The following DEUP1 variants were observed in gnomAD, a reference collection of about 807,000 sequenced individuals.
DEUP1 encodes the protein deuterosome assembly protein 1.
DEUP1 carries 82 observed loss-of-function variants against 87.4 expected under a neutral mutation model. That is an observed-to-expected ratio of 0.94 (90% CI 0.78 to 1.13). The LOEUF is 1.13. Among genes scored for constraint, DEUP1 ranks in the 50% most tolerant of loss-of-function variants. DEUP1 has a pLI of 0.00. For synonymous variants in DEUP1, 214 were observed against 222.7 expected, an observed-to-expected ratio of 0.96 and a Z score of 0.35; for missense variants, 663 against 681.5, an observed-to-expected ratio of 0.97 and a Z score of 0.30.
At chr11:93,431,338 C>T (rs999352144) in intron 13 of DEUP1, among the ~76,000 whole-genome samples, 2 of 151,876 alleles carry the variant, frequency 1.3e-5, no homozygotes, top group Non-Finnish European at 2.9e-5. Context: ...AAGGCAGGAA[C>T]GAGTTTGGCA....
At chr11:93,396,425 C>T (rs1007722027) in intron 11 of DEUP1, 100 bp downstream of exon 11, 6 of 699,746 alleles carry the variant, frequency 8.6e-6, no homozygotes, top group African/African-American at 5.6e-5. Flanking sequence ...GTGTGTTAGA[C>T]ATGAAGGAGT....
chr11:93,419,731 C>T (rs1278666917), intron 13 of DEUP1, among the ~76,000 whole-genome samples: 8 of 151,914 alleles, frequency 5.3e-5, no homozygotes, highest in African/African-American at 1.9e-4. Context: ...AGAACTATTA[C>T]TGTTTGTGTT....
intron 7 of DEUP1, among the ~76,000 whole-genome samples, chr11:93,373,784 CT>C (rs1218272711): frequency 6.6e-6 from 1 of 151,838 alleles, no homozygotes; most frequent in African/African-American, 2.4e-5. Context: ...ATAATGACTT[CT>C]TTTCCTCTGG....
intron 9 of DEUP1, among the ~76,000 whole-genome samples, chr11:93,393,257 G>A (rs1316290187): frequency 7.3e-5 from 11 of 151,016 alleles, no homozygotes; most frequent in Non-Finnish European, 1.2e-4. Context: ...CACCACACCC[G>A]GCTAATGTTT....
chr11:93,432,911 G>C (rs1948145969), intron 13 of DEUP1, among the ~76,000 whole-genome samples: 1 of 152,044 alleles, frequency 6.6e-6, no homozygotes, highest in Admixed American at 6.6e-5. Flanking sequence ...ATGCTATGTG[G>C]GTGGATGCCT....
intron 2 of DEUP1, chr11:93,352,509 A>G (rs1046774077): frequency 1.4e-5 from 9 of 647,148 alleles, no homozygotes; most frequent in Non-Finnish European, 2.2e-5. Flanking sequence ...TGGACCCAAG[A>G]TATTACTATG....
rs549539471 is a variant in DEUP1, at chr11:93,346,677, A to C, written c.30-8694A>C. The stretch of plus-strand genomic sequence containing the variant: ...ATACTGTTTCTTCCTATCCATGAGC[A>C]TGGAATGTTTTTCCATTTGTTTGTG... On this transcript the variant is annotated intron_variant, in intron 2 of 13. Coordinates refer to ENST00000298050, the MANE Select transcript of DEUP1 (RefSeq NM_181645.4). Among the ~76,000 whole-genome samples, 197 of 152,328 alleles carry C rather than the reference A, an allele frequency of 1.3e-3. 1 individual carries two copies. The highest frequency in any genetic ancestry group is 4.5e-3 in the African/African-American group (189 of 41,582).
rs1029603378 is a variant in DEUP1, at chr11:93,369,407, A to G, written c.433-666A>G. ...TTTGGCAACTGAGTGAATGAAGGAAAAAATATTTCGTGTCAAGAAATAGAA... is the reference window on the plus strand; with the variant it reads ...TTTGGCAACTGAGTGAATGAAGGAAGAAATATTTCGTGTCAAGAAATAGAA... On this transcript the variant is annotated intron_variant, in intron 5 of 13. Coordinates refer to ENST00000298050, the MANE Select transcript of DEUP1 (RefSeq NM_181645.4). Among the ~76,000 whole-genome samples the G allele has an allele frequency of 3.9e-5, 6 of 152,252 alleles. No individual in the cohort carries two copies. The East Asian group carries it at 1.2e-3, about 29-fold the overall frequency.
At chr11:93,398,551 T>G (rs1947011525) in intron 11 of DEUP1, among the ~76,000 whole-genome samples, 1 of 152,116 alleles carries the variant, frequency 6.6e-6, no homozygotes, top group Admixed American at 6.6e-5. Context: ...TCTTTTTAAT[T>G]TTTGTCATTC....
chr11:93,356,842 G>A, intron 3 of DEUP1, 106 bp from the exon 4 acceptor site: 1 of 717,024 alleles, frequency 1.4e-6, no homozygotes, highest in Non-Finnish European at 2.4e-6. Flanking sequence ...TTTACTCTTG[G>A]TTTGGTACAG....
intron 7 of DEUP1, among the ~76,000 whole-genome samples, chr11:93,384,962 G>A (rs1447263934): frequency 3.9e-5 from 6 of 152,194 alleles, no homozygotes; most frequent in Non-Finnish European, 5.9e-5. Flanking sequence ...AGTGGCTCAC[G>A]CCTGTAATCC....
chr11:93,404,934 A>G (rs555500098), intron 11 of DEUP1, among the ~76,000 whole-genome samples: 33 of 152,190 alleles, frequency 2.2e-4, no homozygotes, highest in African/African-American at 7.9e-4. Context: ...TAAAACATGC[A>G]AATACATTAC....
chr11:93,334,787 T>C lies in DEUP1; in HGVS notation c.29+2499T>C, dbSNP rs1175994621. 4.6e-5 allele frequency among the ~76,000 whole-genome samples: 7 copies of C among 152,258 alleles called. No individual in the cohort carries two copies. In the South Asian group the frequency reaches 6.2e-4, roughly 14 times the overall value. ...TTTGTGCCATAATAATCTAAACTCC[T>C]TGTAATTGAAACTCAATTTTATGTT... is the stretch of plus-strand genomic sequence containing the variant. On this transcript the variant is annotated intron_variant, in intron 2 of 13. Coordinates refer to ENST00000298050, the MANE Select transcript of DEUP1 (RefSeq NM_181645.4).
At chr11:93,345,648 T>C (rs75642173) in intron 2 of DEUP1, among the ~76,000 whole-genome samples, 11,682 of 152,288 alleles carry the variant, frequency 0.077, 614 homozygotes, top group Middle Eastern at 0.16. Flanking sequence ...GTTAGCTGCA[T>C]GTATGTCTTC....
intron 13 of DEUP1, among the ~76,000 whole-genome samples, chr11:93,435,974 C>T (rs559341823): frequency 7.6e-5 from 11 of 144,696 alleles, no homozygotes; most frequent in East Asian, 2.0e-4. Context: ...CCAGTGTGGG[C>T]GACAGAGTGA....
At chr11:93,390,153 T>G (rs970362611) in intron 9 of DEUP1, among the ~76,000 whole-genome samples, 5 of 152,226 alleles carry the variant, frequency 3.3e-5, no homozygotes, top group African/African-American at 4.8e-5. Context: ...TAAATAAACC[T>G]GGGTGTGGCT....
chr11:93,408,414 C>A lies in DEUP1; in HGVS notation c.1510C>A (p.Gln504Lys), dbSNP rs2259633. The change falls in exon 12 of 14, where the codon CAA (glutamine) becomes AAA (lysine). Residue 504 changes from glutamine to lysine, a missense_variant. Gln to Lys is a moderately conservative substitution (Grantham distance 53). Transcript: ENST00000298050. The part of the protein sequence containing the change: ...YAYQSQIKVE[Q>K]NEERLSHDCE... Reference sequence around the variant, plus strand: ...CTATCAAAGCCAAATAAAAGTGGAACAAAATGAAGAGAGGTATGCTGGCTC... The same window carrying A: ...CTATCAAAGCCAAATAAAAGTGGAAAAAAATGAAGAGAGGTATGCTGGCTC... The A allele has an allele frequency of 0.79, 1,220,858 of 1,544,244 alleles. 483,446 individuals carry two copies. Among genetic ancestry groups the A allele is most frequent in the East Asian group, 0.89 (37,174 of 41,712 alleles).
rs1279562004 is a variant in DEUP1, at chr11:93,391,935, T to C, written c.1042-2524T>C. On this transcript the variant is annotated intron_variant, in intron 9 of 13. Coordinates refer to ENST00000298050, the MANE Select transcript of DEUP1 (RefSeq NM_181645.4). Reference sequence around the variant, plus strand: ...CTCGTGTCTCTTAGTTTCCGCCTTGTTCTCGTTCCTGTGACTCTTTTTTAA... The same window carrying C: ...CTCGTGTCTCTTAGTTTCCGCCTTGCTCTCGTTCCTGTGACTCTTTTTTAA... 3.3e-5 allele frequency among the ~76,000 whole-genome samples: 5 copies of C among 152,266 alleles called. No homozygotes were observed. In the South Asian group the frequency reaches 8.3e-4, roughly 25 times the overall value.
In DEUP1 at chr11:93,437,751, C is replaced by CCCA; in HGVS notation, c.*33_*34insCAC. The CCCA allele has an allele frequency of 9.6e-7, 1 of 1,045,384 alleles. No homozygotes were observed. The highest frequency in any genetic ancestry group is 1.4e-6 in the Non-Finnish European group (1 of 723,382). The allele number at this position is 1,045,384 out of a possible 1,614,324, so 64.8% of individuals were successfully genotyped here. A position where few individuals can be genotyped will look rare whatever the true frequency, so the allele number is the denominator to read the frequency against. On this transcript the variant is annotated 3_prime_UTR_variant, in exon 14 of 14. Coordinates refer to ENST00000298050, the MANE Select transcript of DEUP1 (RefSeq NM_181645.4). Reference sequence around the variant, plus strand: ...AAACTTTTTTATTTGCTTCCCCCCCCCACCCCCGCCAAGAAAAAAAGCTCT... The same window carrying CCCA: ...AAACTTTTTTATTTGCTTCCCCCCCCCCACACCCCCGCCAAGAAAAAAAGCTCT...
Sources: gnomAD v4.1 joint callset for allele counts (sites outside exome capture counted in the v4.1 genomes callset) on GRCh38, gnomAD v4.1.1 for gene constraint, MANE v1.5 for transcripts, NCBI Gene and HGNC (gene_info 2026-07-23, HGNC 2026-07-21) for gene names.